The following ETV1 variants were observed in gnomAD, a reference collection of about 807,000 sequenced individuals.
ETV1 encodes ETS translocation variant 1.
Under a neutral mutation model 62.3 loss-of-function variants are expected in ETV1, and 27 were observed. That is an observed-to-expected ratio of 0.43 (90% confidence interval 0.32 to 0.60). The LOEUF (loss-of-function observed/expected upper bound fraction) is 0.60. ETV1 is among the 20% of genes least tolerant of loss of function. ETV1 has a pLI of 0.06. For missense variants in ETV1, 605 were observed against 605.8 expected, an observed-to-expected ratio of 1.00 and a Z score of 0.01; for synonymous variants, 222 against 199.6, an observed-to-expected ratio of 1.11 and a Z score of -0.94.
chr7:13,930,787 C>G (rs1300419170), intron 9 of ETV1, among the ~76,000 whole-genome samples: 1 of 136,300 alleles, frequency 7.3e-6, no homozygotes, highest in Non-Finnish European at 1.6e-5. Context: ...ATCTTTGCCA[C>G]CAATATATAT....
rs1781685237 is a variant in ETV1 at position 13,895,539 on chromosome 7, C to T, written c.*327G>A. 1.6e-5 allele frequency: 5 copies of T among 313,158 alleles called. No homozygotes were observed. Among genetic ancestry groups the T allele is most frequent in the Admixed American group, 4.4e-5 (1 of 22,492 alleles). The allele number at this position is 313,158 out of a possible 1,614,324, so 19.4% of individuals were successfully genotyped here. A position where few individuals can be genotyped will look rare whatever the true frequency, so the allele number is the denominator to read the frequency against. The stretch of plus-strand genomic sequence containing the variant: ...TATCTTATGTTGTTATGAAATCAAA[C>T]AGACATGATATAGTTTCATCATACT... On this transcript the variant is annotated 3_prime_UTR_variant, in exon 14 of 14. Transcript: ENST00000430479.
In ETV1 at chr7:13,892,581, T is replaced by C; in HGVS notation, c.*3285A>G. 1 of 232,664 alleles carries C rather than the reference T, an allele frequency of 4.3e-6. No individual in the cohort carries two copies. The highest frequency in any genetic ancestry group is 8.5e-6 in the Non-Finnish European group (1 of 117,666). 14.4% of individuals were successfully genotyped at this position (232,664 alleles called of 1,614,324 possible). A position where few individuals can be genotyped will look rare whatever the true frequency, so the allele number is the denominator to read the frequency against. On this transcript the variant is annotated 3_prime_UTR_variant, in exon 14 of 14. Coordinates refer to ENST00000430479, the MANE Select transcript of ETV1 (RefSeq NM_004956.5). ...CTCACCCCTTACATCCATGTCCTAATCCCTGGGACCTATGAATAATTATCT... is the reference window on the plus strand; with the variant it reads ...CTCACCCCTTACATCCATGTCCTAACCCCTGGGACCTATGAATAATTATCT...
At chr7:13,980,729 C>T (rs1459034800) in intron 5 of ETV1, among the ~76,000 whole-genome samples, 2 of 152,024 alleles carry the variant, frequency 1.3e-5, no homozygotes, top group South Asian at 2.1e-4. Context: ...TTTAAAAGGG[C>T]AGTATCTGCA....
intron 9 of ETV1, among the ~76,000 whole-genome samples, chr7:13,911,875 G>C (rs1235792406): frequency 6.6e-6 from 1 of 152,182 alleles, no homozygotes; most frequent in African/African-American, 2.4e-5. Flanking sequence ...TTGCAGTATA[G>C]TTAATCTTTT....
At chr7:13,983,775 T>C (rs1250734048) in intron 5 of ETV1, among the ~76,000 whole-genome samples, 1 of 151,880 alleles carries the variant, frequency 6.6e-6, no homozygotes, top group Non-Finnish European at 1.5e-5. Context: ...TGTAAAGTTA[T>C]ATTCTCCACC....
At chr7:13,952,829 C>A (rs1053271066) in intron 6 of ETV1, among the ~76,000 whole-genome samples, 58 of 152,220 alleles carry the variant, frequency 3.8e-4, no homozygotes, top group African/African-American at 1.3e-3. Context: ...AATAAAGAGA[C>A]CAAATACAGA....
intron 9 of ETV1, among the ~76,000 whole-genome samples, chr7:13,927,342 C>T (rs1439490213): frequency 6.6e-6 from 1 of 152,060 alleles, no homozygotes. Context: ...GTCCCAACTA[C>T]TCGGGAGGCT....
Position 13,935,721 on chromosome 7 carries a change from G to C in ETV1, c.541C>G (p.Pro181Ala). 1.2e-6 allele frequency: 2 copies of C among 1,613,790 alleles called. No individual in the cohort carries two copies. Among genetic ancestry groups the C allele is most frequent in the East Asian group, 4.5e-5 (2 of 44,864 alleles). The change falls in exon 8 of 14, where the codon CCC (proline) becomes GCC (alanine). Residue 181 changes from proline to alanine, a missense_variant. Around this residue, in one of 3 missense-constraint regions of ETV1, gnomAD observed 426 missense variants for 377.8 expected, o/e 1.13. Transcript: ENST00000430479. ...TCTGCAGGTTACCTGTGGTCCATGGGGTAGCTGCTATCTGGTATGGACTGC... is the reference window on the plus strand; with the variant it reads ...TCTGCAGGTTACCTGTGGTCCATGGCGTAGCTGCTATCTGGTATGGACTGC... ...PSQSIPDSSY[P>A]MDHRFRRQLS...
chr7:13,965,922 T>C (rs1344893473), intron 6 of ETV1, among the ~76,000 whole-genome samples: 3 of 152,182 alleles, frequency 2.0e-5, no homozygotes, highest in Admixed American at 6.5e-5. Flanking sequence ...CCCAAGAAAC[T>C]ATTCATTCAA....
chr7:13,989,110 G>GA lies in ETV1; in HGVS notation c.-59dup, dbSNP rs1455456582. Reference sequence around the variant, plus strand: ...TTTATATTTTGAGCATTTAGCTGGAGATTTCCTCAGGATCTGGACTTCTAT... The same window carrying GA: ...TTTATATTTTGAGCATTTAGCTGGAGAATTTCCTCAGGATCTGGACTTCTAT... On this transcript the variant is annotated 5_prime_UTR_variant, in exon 3 of 14. Coordinates refer to ENST00000430479, the MANE Select transcript of ETV1 (RefSeq NM_004956.5). 6.9e-7 allele frequency: 1 copy of GA among 1,452,436 alleles called. No homozygotes were observed. The highest frequency in any genetic ancestry group is 9.5e-7 in the Non-Finnish European group (1 of 1,054,260). The allele number at this position is 1,452,436 out of a possible 1,614,324, so 90.0% of individuals were successfully genotyped here. A position where few individuals can be genotyped will look rare whatever the true frequency, so the allele number is the denominator to read the frequency against.
rs1781555565 is a variant in ETV1 at position 13,893,942 on chromosome 7, A to G, written c.*1924T>C. The G allele has an allele frequency of 4.3e-6, 1 of 233,106 alleles. No homozygotes were observed. Among genetic ancestry groups the G allele is most frequent in the South Asian group, 1.8e-4 (1 of 5,524 alleles). The allele number at this position is 233,106 out of a possible 1,614,324, so 14.4% of individuals were successfully genotyped here. A position where few individuals can be genotyped will look rare whatever the true frequency, so the allele number is the denominator to read the frequency against. On this transcript the variant is annotated 3_prime_UTR_variant, in exon 14 of 14. Transcript: ENST00000430479. ...CATTGAAATCGCAGGTTACATACAT[A>G]TTTTGAAATTGGAGTACTTTTTGTA... is the stretch of plus-strand genomic sequence containing the variant.
chr7:13,931,959 T>G (rs1221380012), intron 8 of ETV1, among the ~76,000 whole-genome samples: 2 of 152,086 alleles, frequency 1.3e-5, no homozygotes, highest in African/African-American at 4.8e-5. Flanking sequence ...ATCAGTCTTT[T>G]GCAGCACTGT....
chr7:13,979,905 A>C (rs1019089988), intron 5 of ETV1, among the ~76,000 whole-genome samples: 6 of 152,114 alleles, frequency 3.9e-5, no homozygotes, highest in African/African-American at 1.4e-4. Flanking sequence ...AGCAGCACAG[A>C]CTCACTGATG....
intron 9 of ETV1, among the ~76,000 whole-genome samples, chr7:13,920,025 C>G (rs1490506274): frequency 6.6e-6 from 1 of 152,050 alleles, no homozygotes; most frequent in African/African-American, 2.4e-5. Flanking sequence ...AGTTCTGGGC[C>G]TAAATATCCT....
chr7:13,948,002 G>A (rs1449800479), intron 6 of ETV1, among the ~76,000 whole-genome samples: 1 of 152,138 alleles, frequency 6.6e-6, no homozygotes, highest in East Asian at 1.9e-4. Flanking sequence ...TATGACCTTA[G>A]TACTATATTC....
chr7:13,935,743 C>A lies in ETV1; in HGVS notation c.519G>T (p.Gln173His), dbSNP rs1220309725. ...RAFPAHLPPS[Q>H]SIPDSSYPMD... ...TGGGGTAGCTGCTATCTGGTATGGA[C>A]TGCGATGGAGGGAGGTGAGCTGGGA... The change falls in exon 8 of 14, where the codon CAG (glutamine) becomes CAT (histidine). Residue 173 changes from glutamine to histidine, a missense_variant. By Grantham distance (24) the Gln-to-His change is conservative. Coordinates refer to ENST00000430479, the MANE Select transcript of ETV1 (RefSeq NM_004956.5). 1 of 1,613,674 alleles carries A rather than the reference C, an allele frequency of 6.2e-7. No homozygotes were observed. Among genetic ancestry groups the A allele is most frequent in the Non-Finnish European group, 8.5e-7 (1 of 1,179,856 alleles).
intron 9 of ETV1, among the ~76,000 whole-genome samples, chr7:13,930,804 T>G (rs1786029883): frequency 6.6e-6 from 1 of 151,390 alleles, no homozygotes; most frequent in South Asian, 2.1e-4. Context: ...ATATTTTTTT[T>G]TTTTTGAGAT....
rs1781409472 is a variant in ETV1 at position 13,891,931 on chromosome 7, T to C, written c.*3935A>G. 4.3e-6 allele frequency: 1 copy of C among 231,780 alleles called. No individual in the cohort carries two copies. The highest frequency in any genetic ancestry group is 8.5e-6 in the Non-Finnish European group (1 of 117,182). The allele number at this position is 231,780 out of a possible 1,614,324, so 14.4% of individuals were successfully genotyped here. ...CAAACATCCAAATGACCTTCTCCTCTGTAATGTTTTCTCATTACAAGCTCT... is the reference window on the plus strand; with the variant it reads ...CAAACATCCAAATGACCTTCTCCTCCGTAATGTTTTCTCATTACAAGCTCT... On this transcript the variant is annotated 3_prime_UTR_variant, in exon 14 of 14. Coordinates refer to ENST00000430479, the MANE Select transcript of ETV1 (RefSeq NM_004956.5).
At chr7:13,952,482 C>G (rs540525937) in intron 6 of ETV1, among the ~76,000 whole-genome samples, 12 of 152,168 alleles carry the variant, frequency 7.9e-5, no homozygotes, top group Admixed American at 3.3e-4. Flanking sequence ...GGGTGGCAAC[C>G]AATGTTCATA....
Sources: gnomAD v4.1 joint callset for allele counts (sites outside exome capture counted in the v4.1 genomes callset) on GRCh38, gnomAD v4.1.1 for gene constraint, gnomAD v4.1.1 regional missense constraint, MANE v1.5 for transcripts, NCBI Gene and HGNC (gene_info 2026-07-23, HGNC 2026-07-21) for gene names.